Variants in PDE10A observed in about 807,000 individuals in gnomAD.
The protein encoded by PDE10A is phosphodiesterase 10A.
In PDE10A, 39 loss-of-function variants were observed where a neutral mutation model predicts 97.7. The ratio of observed to expected loss-of-function variants is 0.40; its 90% CI spans 0.31 to 0.52. The LOEUF (loss-of-function observed/expected upper bound fraction) is 0.52, where lower values mean the gene tolerates loss of function less well. PDE10A is among the 20% of genes least tolerant of loss of function. The pLI, the probability that PDE10A is intolerant of heterozygous loss-of-function variation, is 0.56. For synonymous variants in PDE10A, 371 were observed against 376.8 expected, an observed-to-expected ratio of 0.98 and a Z score of 0.18; for missense variants, 731 against 1,047.8, an observed-to-expected ratio of 0.70 and a Z score of 4.17.
At chr6:165,685,804 A>G (rs1446684410) in intron 1 of PDE10A, among the ~76,000 whole-genome samples, 1 of 152,206 alleles carries the variant, frequency 6.6e-6, no homozygotes, top group South Asian at 2.1e-4. Flanking sequence ...GATGCATTAT[A>G]TGGGCAAAGC....
intron 1 of PDE10A, chr6:165,986,517 C>CTCTG (rs1169680520): frequency 7.8e-6 from 1 of 127,646 alleles, no homozygotes; most frequent in African/African-American, 2.9e-5. Flanking sequence ...CTCTCTGTCT[C>CTCTG]TCTCTCTCTC....
chr6:165,848,168 C>T (rs1327740911), intron 1 of PDE10A, among the ~76,000 whole-genome samples: 1 of 152,038 alleles, frequency 6.6e-6, no homozygotes, highest in African/African-American at 2.4e-5. Flanking sequence ...AGAAGCAGCC[C>T]ATTCTTGTTC....
intron 1 of PDE10A, among the ~76,000 whole-genome samples, chr6:165,623,182 G>A (rs770935532): frequency 3.3e-5 from 5 of 152,152 alleles, no homozygotes; most frequent in African/African-American, 9.7e-5. Flanking sequence ...CCAGGCTGGA[G>A]TGGCACGATC....
At chr6:165,698,066 ATC>A (rs1791482980) in intron 1 of PDE10A, among the ~76,000 whole-genome samples, 1 of 152,174 alleles carries the variant, frequency 6.6e-6, no homozygotes, top group South Asian at 2.1e-4. Flanking sequence ...CATGAAGTGA[ATC>A]TCTCCTTTCT....
intron 1 of PDE10A, among the ~76,000 whole-genome samples, chr6:165,944,680 C>T (rs1010969232): frequency 6.6e-6 from 1 of 152,202 alleles, no homozygotes; most frequent in African/African-American, 2.4e-5. Context: ...ACATACATTA[C>T]ATTAGAGCAG....
chr6:165,494,834 A>G (rs510240), intron 2 of PDE10A, among the ~76,000 whole-genome samples: 44,035 of 151,960 alleles, frequency 0.29, 6,738 homozygotes, highest in African/African-American at 0.39. Context: ...TCACACACTG[A>G]TACTATGGAG....
chr6:165,794,433 CT>C (rs1324007528), intron 1 of PDE10A, among the ~76,000 whole-genome samples: 1 of 151,968 alleles, frequency 6.6e-6, no homozygotes, highest in African/African-American at 2.4e-5. Context: ...CACTCACACA[CT>C]CACTTGTACT....
In PDE10A at chr6:165,711,045, C is replaced by T. The variant is rs1791883500; in HGVS notation, c.-614-167477G>A. ...TGGCGCACTGCAGGGGTCCAGGGTG[C>T]CTTCTGCTGGGTCATCGCTCATCTG... On this transcript the variant is annotated intron_variant, in intron 1 of 19. Coordinates refer to the PDE10A transcript ENST00000366882. The surrounding 1 kb of genome is among the most constrained non-coding windows in gnomAD (Gnocchi z 4.5). 1.3e-5 allele frequency among the ~76,000 whole-genome samples: 2 copies of T among 152,326 alleles called. No individual in the cohort carries two copies. The highest frequency in any genetic ancestry group is 3.4e-3 in the Middle Eastern group (1 of 294).
At chr6:165,616,785 T>C in intron 1 of PDE10A, among the ~76,000 whole-genome samples, 1 of 152,168 alleles carries the variant, frequency 6.6e-6, no homozygotes, top group African/African-American at 2.4e-5. Flanking sequence ...TTAGAGCTGA[T>C]CTCTGTTCAA....
At chr6:165,764,642 C>T (rs1397837849) in intron 1 of PDE10A, among the ~76,000 whole-genome samples, 3 of 152,162 alleles carry the variant, frequency 2.0e-5, no homozygotes, top group African/African-American at 7.2e-5. Flanking sequence ...TAAGGCGACG[C>T]GTCTGGAGTT....
chr6:165,409,071 A>C (rs1467889980), intron 13 of PDE10A, among the ~76,000 whole-genome samples: 1 of 149,030 alleles, frequency 6.7e-6, no homozygotes, highest in Non-Finnish European at 1.5e-5. Context: ...AGGCTGAGGC[A>C]GGAGAATGGC....
intron 1 of PDE10A, among the ~76,000 whole-genome samples, chr6:165,801,217 C>T (rs1164894443): frequency 6.6e-6 from 1 of 152,232 alleles, no homozygotes. Context: ...ACCCTCTCTT[C>T]CCATGCACTA....
intron 5 of PDE10A, among the ~76,000 whole-genome samples, chr6:165,436,990 A>G (rs1455093686): frequency 1.3e-5 from 2 of 152,194 alleles, no homozygotes. Context: ...TGGAATTGAC[A>G]ACGATTTTCT....
intron 1 of PDE10A, among the ~76,000 whole-genome samples, chr6:165,589,592 AT>A (rs925426867): frequency 6.6e-6 from 1 of 152,200 alleles, no homozygotes; most frequent in African/African-American, 2.4e-5. Flanking sequence ...TTTTAAATTA[AT>A]TACATGTGTC....
chr6:165,516,611 C>G (rs553864256), intron 2 of PDE10A, among the ~76,000 whole-genome samples: 3 of 152,200 alleles, frequency 2.0e-5, no homozygotes, highest in African/African-American at 4.8e-5. Flanking sequence ...TTATAAGCAG[C>G]CTTCATATTT....
At chr6:165,851,282 T>A (rs1780565384) in intron 1 of PDE10A, among the ~76,000 whole-genome samples, 1 of 152,236 alleles carries the variant, frequency 6.6e-6, no homozygotes. Flanking sequence ...AACTGCTTCA[T>A]ATGTATTGAT....
At chr6:165,610,144 C>G (rs1268476017) in intron 1 of PDE10A, among the ~76,000 whole-genome samples, 1 of 152,184 alleles carries the variant, frequency 6.6e-6, no homozygotes, top group Non-Finnish European at 1.5e-5. Context: ...CAGCATGGTA[C>G]TGGTACCAAA....
At chr6:165,462,295 T>C (rs541669081) in intron 3 of PDE10A, among the ~76,000 whole-genome samples, 26 of 152,366 alleles carry the variant, frequency 1.7e-4, no homozygotes, top group African/African-American at 5.5e-4. Flanking sequence ...CAATTGAATC[T>C]AGCATTATTA....
At chr6:165,837,238 T>TA (rs1318208741) in intron 1 of PDE10A, among the ~76,000 whole-genome samples, 1 of 151,906 alleles carries the variant, frequency 6.6e-6, no homozygotes, top group African/African-American at 2.4e-5. Flanking sequence ...ATCAGGAAAT[T>TA]AGAGGCCCAG....
Sources: gnomAD v4.1 joint callset for allele counts (sites outside exome capture counted in the v4.1 genomes callset) on GRCh38, gnomAD v4.1.1 for gene constraint, Gnocchi (gnomAD v3.1) non-coding constraint, MANE v1.5 for transcripts, NCBI Gene and HGNC (gene_info 2026-07-23, HGNC 2026-07-21) for gene names.